Variants in AKR1A1 observed in about 807,000 individuals in gnomAD.
AKR1A1 encodes HEL-S-165mP.
AKR1A1 carries 26 observed loss-of-function variants against 39.2 expected under a neutral mutation model. The ratio of observed to expected loss-of-function variants is 0.66; its 90% confidence interval spans 0.49 to 0.92. The LOEUF is 0.92. Among genes scored for constraint, AKR1A1 ranks in the 40% least tolerant of loss-of-function variants. The pLI is 0.00. For missense variants in AKR1A1, 378 were observed against 406.5 expected (o/e 0.93, Z 0.60); for synonymous variants, 141 against 155.5 (o/e 0.91, Z 0.69).
chr1:45,560,090 C>A (rs1050721541), intron 1 of AKR1A1, among the ~76,000 whole-genome samples: 68 of 151,740 alleles, frequency 4.5e-4, no homozygotes, highest in Non-Finnish European at 1.8e-4. Flanking sequence ...CGGGTTCAAA[C>A]GATTCTCCCG....
intron 8 of AKR1A1, 86 bp from the exon 9 acceptor site, chr1:45,569,805 T>C (rs959059372): frequency 1.1e-5 from 13 of 1,224,652 alleles, no homozygotes; most frequent in Non-Finnish European, 1.6e-5. Context: ...CAGGTGAGTT[T>C]GTTTAGGAAG....
rs545989117 is a variant in AKR1A1 at position 45,560,256 on chromosome 1, T to C, written c.-6-1533T>C. On this transcript the variant is annotated intron_variant, in intron 1 of 8. Transcript: ENST00000351829. ...CTGCCTTGGCCTTCCTATGTGCTTGTATTACAGGTGTGAGGCACAGCGCCC... is the reference window on the plus strand; with the variant it reads ...CTGCCTTGGCCTTCCTATGTGCTTGCATTACAGGTGTGAGGCACAGCGCCC... 1.2e-4 allele frequency among the ~76,000 whole-genome samples: 18 copies of C among 152,242 alleles called. No individual in the cohort carries two copies. In the South Asian group the frequency reaches 1.4e-3, roughly 12 times the overall value.
At chr1:45,553,522 T>C (rs1202766239) in intron 1 of AKR1A1, among the ~76,000 whole-genome samples, 1 of 152,218 alleles carries the variant, frequency 6.6e-6, no homozygotes, top group Non-Finnish European at 1.5e-5. Context: ...TAAAATTCTT[T>C]TCACATACAT....
At chr1:45,565,078 T>A (rs1644323225) in intron 2 of AKR1A1, among the ~76,000 whole-genome samples, 1 of 144,200 alleles carries the variant, frequency 6.9e-6, no homozygotes, top group Admixed American at 7.2e-5. Context: ...CACCTCAGCC[T>A]CCCAAAGTGC....
At chr1:45,566,316 C>T (rs1202294146) in intron 2 of AKR1A1, among the ~76,000 whole-genome samples, 7 of 152,042 alleles carry the variant, frequency 4.6e-5, no homozygotes. Context: ...CCATGTTGGC[C>T]AGGCTGACCT....
At chr1:45,556,600 C>T (rs1181345715) in intron 1 of AKR1A1, among the ~76,000 whole-genome samples, 8 of 151,602 alleles carry the variant, frequency 5.3e-5, no homozygotes, top group Non-Finnish European at 1.0e-4. Context: ...AAAGGATAGC[C>T]GGGCGCAGTG....
intron 1 of AKR1A1, chr1:45,552,325 A>C (rs1161755212): frequency 6.6e-6 from 1 of 151,726 alleles, no homozygotes; most frequent in African/African-American, 2.4e-5. Flanking sequence ...ACTACATGCC[A>C]CTGTGCCCAG....
chr1:45,565,376 C>A (rs1384802190), intron 2 of AKR1A1, among the ~76,000 whole-genome samples: 2 of 151,548 alleles, frequency 1.3e-5, no homozygotes, highest in Non-Finnish European at 2.9e-5. Flanking sequence ...GTGATCCACC[C>A]ACCTCGGCCT....
At chr1:45,556,330 C>T (rs1644202309) in intron 1 of AKR1A1, among the ~76,000 whole-genome samples, 1 of 152,252 alleles carries the variant, frequency 6.6e-6, no homozygotes, top group Non-Finnish European at 1.5e-5. Flanking sequence ...CGCCTGTAAT[C>T]CCAGCACATT....
At chr1:45,568,229 G>A in intron 5 of AKR1A1, 52 bp downstream of exon 5, 1 of 1,548,250 alleles carries the variant, frequency 6.5e-7, no homozygotes, top group Non-Finnish European at 8.8e-7. Flanking sequence ...TCAAGAGCAT[G>A]AGGGAGCAGA....
chr1:45,553,238 A>G (rs564985269), intron 1 of AKR1A1, among the ~76,000 whole-genome samples: 1 of 152,020 alleles, frequency 6.6e-6, no homozygotes, highest in South Asian at 2.1e-4. Context: ...CCTGGCCAAC[A>G]TGGTGAAACC....
intron 1 of AKR1A1, among the ~76,000 whole-genome samples, chr1:45,556,318 C>T (rs909478397): frequency 4.6e-5 from 7 of 152,242 alleles, no homozygotes; most frequent in Non-Finnish European, 8.8e-5. Flanking sequence ...CGCGGCGGCT[C>T]GCGCCTGTAA....
intron 4 of AKR1A1, chr1:45,567,329 A>T (rs1644356655): frequency 3.3e-6 from 1 of 301,810 alleles, no homozygotes; most frequent in Admixed American, 4.7e-5. Flanking sequence ...GGGTTACAGT[A>T]ATAAGTAAGT....
chr1:45,556,587 A>G (rs1215873591), intron 1 of AKR1A1, among the ~76,000 whole-genome samples: 1 of 150,298 alleles, frequency 6.7e-6, no homozygotes, highest in Non-Finnish European at 1.5e-5. Context: ...TCTTAAAAGA[A>G]AAAAAGGATA....
Position 45,561,688 on chromosome 1 carries a change from G to A in AKR1A1, c.-6-101G>A, listed in dbSNP as rs1390219057. 4.3e-6 allele frequency: 5 copies of A among 1,168,684 alleles called. No individual in the cohort carries two copies. The East Asian group carries it at 7.2e-5, about 17-fold the overall frequency. The allele number at this position is 1,168,684 out of a possible 1,614,324, so 72.4% of individuals were successfully genotyped here. ...CAAAGTGCTGGGATTACAGGTGTGAGCCACTGCACTTGGCGCTTTGCAGTA... is the reference window on the plus strand; with the variant it reads ...CAAAGTGCTGGGATTACAGGTGTGAACCACTGCACTTGGCGCTTTGCAGTA... On this transcript the variant is annotated intron_variant, in intron 1 of 8. Coordinates refer to ENST00000351829, the MANE Select transcript of AKR1A1 (RefSeq NM_153326.3).
intron 6 of AKR1A1, 50 bp from the exon 7 acceptor site, chr1:45,568,877 G>A (rs183705160): frequency 1.3e-6 from 2 of 1,592,634 alleles, no homozygotes; most frequent in Non-Finnish European, 1.7e-6. Flanking sequence ...ACAAAATAGT[G>A]CTTATGAATA....
chr1:45,562,360 G>A (rs1435651805), intron 2 of AKR1A1, among the ~76,000 whole-genome samples: 1 of 131,456 alleles, frequency 7.6e-6, no homozygotes, highest in Non-Finnish European at 1.6e-5. Flanking sequence ...TTTTTTACTC[G>A]AGACAGGGTC....
Position 45,568,926 on chromosome 1 carries a change from G to T in AKR1A1, c.753-1G>T. The T allele has an allele frequency of 6.2e-7, 1 of 1,614,144 alleles. No individual in the cohort carries two copies. The highest frequency in any genetic ancestry group is 8.5e-7 in the Non-Finnish European group (1 of 1,180,010). ...CTCATCTGTCTAATCCCCCAACTTA[G>T]GTGGCAGGTCCAGCGGAAAGTGATC... On this transcript the variant is annotated splice_acceptor_variant, in intron 6 of 8. Transcript: ENST00000351829. LOFTEE classifies it high-confidence loss of function.
In AKR1A1 at chr1:45,568,085, G is replaced by A. The variant is rs1392343235; in HGVS notation, c.460G>A (p.Gly154Arg). The change falls in exon 5 of 9, where the codon GGG becomes AGG. Residue 154 changes from glycine to arginine, a missense_variant. Coordinates refer to ENST00000351829, the MANE Select transcript of AKR1A1 (RefSeq NM_153326.3). ...GGCTCTGGAGGCACTGGTGGCTAAG[G>A]GGCTGGTGCAGGCGCTGGGCCTGTC... ...WKALEALVAK[G>R]LVQALGLSNF... 1 of 1,614,036 alleles carries A rather than the reference G, an allele frequency of 6.2e-7. No homozygotes were observed. The highest frequency in any genetic ancestry group is 1.7e-5 in the Admixed American group (1 of 59,968).
Sources: gnomAD v4.1 joint callset for allele counts (sites outside exome capture counted in the v4.1 genomes callset) on GRCh38, gnomAD v4.1.1 for gene constraint, MANE v1.5 for transcripts, NCBI Gene and HGNC (gene_info 2026-07-23, HGNC 2026-07-21) for gene names.